Variants in GALNT13 observed in about 807,000 individuals in gnomAD.
GALNT13 encodes UDP-GalNAc:polypeptide N-acetylgalactosaminyltransferase 13.
GALNT13 carries 28 observed loss-of-function variants against 64.2 expected under a neutral mutation model. That is an observed-to-expected ratio of 0.44 (90% CI 0.32 to 0.60). GALNT13 has a LOEUF of 0.60. Ranked by LOEUF, GALNT13 falls within the 20% of genes least tolerant of loss-of-function variation. The pLI is 0.05. For missense variants in GALNT13, 577 were observed against 669.8 expected, an observed-to-expected ratio of 0.86 and a Z score of 1.53; for synonymous variants, 214 against 224.6, an observed-to-expected ratio of 0.95 and a Z score of 0.42.
At chr2:153,958,549 C>G (rs186933180) in intron 3 of GALNT13, among the ~76,000 whole-genome samples, 1 of 152,152 alleles carries the variant, frequency 6.6e-6, no homozygotes, top group African/African-American at 2.4e-5. Context: ...TGAATTTGCT[C>G]CATTGGCCTA....
intron 3 of GALNT13, among the ~76,000 whole-genome samples, chr2:154,086,272 C>A (rs1007145965): frequency 6.8e-6 from 1 of 147,712 alleles, no homozygotes; most frequent in African/African-American, 2.5e-5. Context: ...TCATGGTAGT[C>A]CTCCTTCCCC....
intron 3 of GALNT13, among the ~76,000 whole-genome samples, chr2:154,138,443 A>T (rs1683071469): frequency 6.6e-6 from 1 of 152,078 alleles, no homozygotes. Flanking sequence ...TATTTTTAAA[A>T]ATGTACCCCA....
At chr2:154,345,481 C>T (rs1325854086) in intron 9 of GALNT13, among the ~76,000 whole-genome samples, 1 of 151,958 alleles carries the variant, frequency 6.6e-6, no homozygotes, top group African/African-American at 2.4e-5. Context: ...ACTAGCTATA[C>T]CTGGCTTCTG....
At chr2:153,118,546 A>T in the GALNT13 span, among the ~76,000 whole-genome samples, 1 of 151,984 alleles carries the variant, frequency 6.6e-6, no homozygotes, top group African/African-American at 2.4e-5. Context: ...CCTTTTTTTT[A>T]CTAGGCTGTG....
chr2:153,423,161 T>C, the GALNT13 span, among the ~76,000 whole-genome samples: 1 of 151,832 alleles, frequency 6.6e-6, no homozygotes, highest in Non-Finnish European at 1.5e-5. Context: ...ATTTAAATCA[T>C]GACAAAGAAT....
the GALNT13 span, among the ~76,000 whole-genome samples, chr2:153,784,969 C>A: frequency 6.6e-6 from 1 of 152,152 alleles, no homozygotes; most frequent in Non-Finnish European, 1.5e-5. Context: ...GGAGAGATGG[C>A]CAGACTCTAG....
chr2:153,581,333 T>A, the GALNT13 span, among the ~76,000 whole-genome samples: 1 of 152,122 alleles, frequency 6.6e-6, no homozygotes, highest in African/African-American at 2.4e-5. Context: ...TGTTCACCAT[T>A]GTTATATTTT....
chr2:154,128,554 TGAGTAA>T, intron 3 of GALNT13, among the ~76,000 whole-genome samples: 1 of 152,034 alleles, frequency 6.6e-6, no homozygotes, highest in Non-Finnish European at 1.5e-5. Flanking sequence ...ATAATGATTG[TGAGTAA>T]ATACAAAGAT....
chr2:153,625,372 ACTT>A, the GALNT13 span, among the ~76,000 whole-genome samples: 1 of 152,090 alleles, frequency 6.6e-6, no homozygotes, highest in Non-Finnish European at 1.5e-5. Context: ...ACAAACAAAC[ACTT>A]CTTTGAGAAA....
At chr2:153,301,064 G>T in the GALNT13 span, among the ~76,000 whole-genome samples, 2 of 151,834 alleles carry the variant, frequency 1.3e-5, no homozygotes, top group African/African-American at 4.8e-5. Flanking sequence ...AATTAGCCAG[G>T]CATGTGTGGT....
chr2:153,840,773 A>G, the GALNT13 span, among the ~76,000 whole-genome samples: 1 of 152,170 alleles, frequency 6.6e-6, no homozygotes, highest in Non-Finnish European at 1.5e-5. Context: ...CAGGGGGACT[A>G]TATACCCTAA....
the GALNT13 span, among the ~76,000 whole-genome samples, chr2:153,753,022 A>G: frequency 6.6e-6 from 1 of 152,114 alleles, no homozygotes; most frequent in Non-Finnish European, 1.5e-5. Flanking sequence ...TATCATTTCT[A>G]CTATTAAAGG....
intron 3 of GALNT13, among the ~76,000 whole-genome samples, chr2:154,066,729 G>A (rs1354455781): frequency 3.5e-5 from 5 of 144,798 alleles, no homozygotes; most frequent in Non-Finnish European, 6.1e-5. Flanking sequence ...CAAGAAATAC[G>A]AAAGGGAGTT....
At chr2:154,159,324 G>A (rs1684602186) in intron 4 of GALNT13, among the ~76,000 whole-genome samples, 1 of 151,668 alleles carries the variant, frequency 6.6e-6, no homozygotes, top group African/African-American at 2.4e-5. Context: ...TAGTAGAGAT[G>A]AGGTTTCACC....
intron 12 of GALNT13, among the ~76,000 whole-genome samples, chr2:154,440,239 A>G (rs1701219341): frequency 6.6e-6 from 1 of 152,186 alleles, no homozygotes; most frequent in South Asian, 2.1e-4. Context: ...AAGGGGAATG[A>G]TCGTGTACAT....
At chr2:153,684,574 C>A in the GALNT13 span, among the ~76,000 whole-genome samples, 1 of 151,596 alleles carries the variant, frequency 6.6e-6, no homozygotes, top group African/African-American at 2.4e-5. Context: ...CACAATGATT[C>A]TCTCAAATTA....
chr2:154,236,077 A>G, intron 4 of GALNT13: 1 of 1,226,922 alleles, frequency 8.2e-7, no homozygotes, highest in Non-Finnish European at 1.1e-6. Context: ...ATTAGTGTAC[A>G]TCCAGATGAC....
the GALNT13 span, among the ~76,000 whole-genome samples, chr2:153,453,138 A>AT: frequency 1.3e-5 from 2 of 152,216 alleles, no homozygotes; most frequent in East Asian, 3.8e-4. Flanking sequence ...TAAAGATTTA[A>AT]ATGTAAGACA....
the GALNT13 span, among the ~76,000 whole-genome samples, chr2:153,330,669 C>G: frequency 6.6e-6 from 1 of 151,812 alleles, no homozygotes; most frequent in African/African-American, 2.4e-5. Flanking sequence ...ATCCCAAGAG[C>G]CTTTCAGTGG....
Sources: gnomAD v4.1 joint callset for allele counts (sites outside exome capture counted in the v4.1 genomes callset) on GRCh38, gnomAD v4.1.1 for gene constraint, MANE v1.5 for transcripts, NCBI Gene and HGNC (gene_info 2026-07-23, HGNC 2026-07-21) for gene names.